Variants in SLC5A4 observed in about 807,000 individuals in gnomAD.
SLC5A4 encodes solute carrier family 5 member 4.
SLC5A4 carries 55 observed loss-of-function variants against 70.3 expected under a neutral mutation model. That is an observed-to-expected ratio of 0.78 (90% CI 0.63 to 0.98). The LOEUF (loss-of-function observed/expected upper bound fraction) is 0.98. Among genes scored for constraint, SLC5A4 ranks in the 50% least tolerant of loss-of-function variants. SLC5A4 has a pLI of 0.00. For missense variants in SLC5A4, 735 were observed against 839.2 expected, an observed-to-expected ratio of 0.88 and a Z score of 1.53; for synonymous variants, 268 against 305.7, an observed-to-expected ratio of 0.88 and a Z score of 1.29.
chr22:32,347,174 A>T, the SLC5A4 span, among the ~76,000 whole-genome samples: 3 of 152,264 alleles, frequency 2.0e-5, no homozygotes, highest in Non-Finnish European at 2.9e-5. Context: ...CACACCAGTC[A>T]GAATGGCGAT....
At chr22:32,226,031 T>C (rs941416711) in intron 11 of SLC5A4, among the ~76,000 whole-genome samples, 2 of 152,244 alleles carry the variant, frequency 1.3e-5, no homozygotes, top group African/African-American at 4.8e-5. Flanking sequence ...TAATTAATCA[T>C]AATAGCTTCA....
intron 5 of SLC5A4, among the ~76,000 whole-genome samples, chr22:32,246,407 A>G (rs1159696348): frequency 6.6e-6 from 1 of 152,200 alleles, no homozygotes; most frequent in African/African-American, 2.4e-5. Context: ...AGATTATTTC[A>G]TTAGTCACCG....
chr22:32,321,265 A>G, the SLC5A4 span, among the ~76,000 whole-genome samples: 1 of 146,718 alleles, frequency 6.8e-6, no homozygotes, highest in African/African-American at 2.5e-5. Flanking sequence ...CAGCCTGGGC[A>G]ATAAGAATGA....
the SLC5A4 span, among the ~76,000 whole-genome samples, chr22:32,276,216 A>C: frequency 2.0e-5 from 3 of 152,238 alleles, no homozygotes; most frequent in African/African-American, 7.2e-5. Context: ...GATAAAGATA[A>C]TCTTCCTATA....
chr22:32,274,170 G>C, the SLC5A4 span, among the ~76,000 whole-genome samples: 1 of 151,740 alleles, frequency 6.6e-6, no homozygotes, highest in Non-Finnish European at 1.5e-5. Flanking sequence ...CTCCCCAGTA[G>C]CTGGGACTAC....
chr22:32,314,686 C>T, the SLC5A4 span, among the ~76,000 whole-genome samples: 2 of 152,096 alleles, frequency 1.3e-5, no homozygotes, highest in African/African-American at 4.8e-5. Flanking sequence ...CTGATAAAGA[C>T]ATACCCAAGC....
chr22:32,336,088 T>C, the SLC5A4 span, among the ~76,000 whole-genome samples: 2 of 152,202 alleles, frequency 1.3e-5, no homozygotes, highest in Non-Finnish European at 2.9e-5. Flanking sequence ...AATAAATTCC[T>C]TATCCACTTG....
the SLC5A4 span, chr22:32,272,579 G>A: frequency 1.1e-5 from 7 of 629,536 alleles, no homozygotes. Flanking sequence ...TGGACTTCAT[G>A]GTAGACAACA....
intron 8 of SLC5A4, among the ~76,000 whole-genome samples, chr22:32,234,562 G>A (rs896348385): frequency 3.3e-5 from 5 of 152,096 alleles, no homozygotes; most frequent in Non-Finnish European, 7.3e-5. Context: ...AGCTGGGCGT[G>A]GTGGTGCACA....
At chr22:32,291,363 G>A in the SLC5A4 span, among the ~76,000 whole-genome samples, 1 of 151,996 alleles carries the variant, frequency 6.6e-6, no homozygotes, top group Non-Finnish European at 1.5e-5. Context: ...TTTTATAGTA[G>A]AGACGGGGTT....
intron 9 of SLC5A4, among the ~76,000 whole-genome samples, chr22:32,232,491 T>C (rs1241907609): frequency 6.6e-6 from 1 of 152,174 alleles, no homozygotes; most frequent in African/African-American, 2.4e-5. Flanking sequence ...TGAAAATTGA[T>C]TCAGTTCTCC....
the SLC5A4 span, among the ~76,000 whole-genome samples, chr22:32,305,308 T>TGAAGGCATGCCGTCAGCAGTGATTGGCCC: frequency 5.3e-5 from 7 of 131,370 alleles, no homozygotes; most frequent in African/African-American, 1.8e-4. Context: ...GCTCCCGGGC[T>TGAAGGCATGCCGTCAGCAGTGATTGGCCC]TGTAGTCTCT....
At chr22:32,288,413 T>C in the SLC5A4 span, among the ~76,000 whole-genome samples, 1 of 152,228 alleles carries the variant, frequency 6.6e-6, no homozygotes, top group African/African-American at 2.4e-5. Flanking sequence ...TCTTTCATCA[T>C]GGTGACCTTG....
chr22:32,272,133 C>G, the SLC5A4 span: 1 of 681,136 alleles, frequency 1.5e-6, no homozygotes, highest in East Asian at 2.7e-5. Context: ...GCAAGGAGAC[C>G]AGGTCAGGCT....
the SLC5A4 span, chr22:32,270,129 G>T: frequency 3.5e-6 from 2 of 571,722 alleles, no homozygotes; most frequent in South Asian, 1.6e-5. Flanking sequence ...GTCACAGGAC[G>T]ACATGGACGA....
At chr22:32,351,581 A>G in the SLC5A4 span, among the ~76,000 whole-genome samples, 1 of 150,664 alleles carries the variant, frequency 6.6e-6, no homozygotes, top group Non-Finnish European at 1.5e-5. Flanking sequence ...ATTCGCTTGT[A>G]ATCCCAGCTA....
the SLC5A4 span, among the ~76,000 whole-genome samples, chr22:32,322,954 C>CT: frequency 6.6e-6 from 1 of 152,132 alleles, no homozygotes; most frequent in Non-Finnish European, 1.5e-5. Context: ...TTATCTTTAC[C>CT]TTTTTTCTTT....
the SLC5A4 span, among the ~76,000 whole-genome samples, chr22:32,329,579 G>GGTGT: frequency 7.0e-6 from 1 of 143,372 alleles, no homozygotes; most frequent in East Asian, 2.1e-4. Flanking sequence ...TGCGGGCTCT[G>GGTGT]GTGTGTGTCT....
At chr22:32,269,804 T>C in the SLC5A4 span, 3 of 677,484 alleles carry the variant, frequency 4.4e-6, no homozygotes, top group Non-Finnish European at 8.3e-6. This position sits in a 1 kb window ranked among gnomAD's most constrained non-coding sequence, Gnocchi z 4.1. Flanking sequence ...TCATCTCCCA[T>C]GACAAGATGG....
Sources: gnomAD v4.1 joint callset for allele counts (sites outside exome capture counted in the v4.1 genomes callset) on GRCh38, gnomAD v4.1.1 for gene constraint, Gnocchi (gnomAD v3.1) non-coding constraint, MANE v1.5 for transcripts, NCBI Gene and HGNC (gene_info 2026-07-23, HGNC 2026-07-21) for gene names.